The following MYO1G variants were observed in gnomAD, a reference collection of about 807,000 sequenced individuals.
The protein encoded by MYO1G is unconventional myosin-Ig.
In MYO1G, 65 loss-of-function variants were observed where a neutral mutation model predicts 115.3. That is an observed-to-expected ratio of 0.56 (90% CI 0.46 to 0.69). The LOEUF is 0.69. MYO1G is among the 30% of genes least tolerant of loss of function. MYO1G has a pLI of 0.00. For missense variants in MYO1G, 1,204 were observed against 1,393.5 expected (o/e 0.86, Z 2.16); for synonymous variants, 510 against 552.6 (o/e 0.92, Z 1.08).
chr7:44,964,911 C>T lies in MYO1G; in HGVS notation c.2526+34G>A, dbSNP rs1416944115. ...GAGAGCCCTCTTTGGCAGCCCACTT[C>T]CCCCTGGCAGCCCTGGACTCGCCTG... is the stretch of plus-strand genomic sequence containing the variant. On this transcript the variant is annotated intron_variant, in intron 18 of 21. Coordinates refer to ENST00000258787, the MANE Select transcript of MYO1G (RefSeq NM_033054.3). The surrounding 1 kb of genome is among the most constrained non-coding windows in gnomAD (Gnocchi z 5.1). The T allele has an allele frequency of 2.5e-6, 4 of 1,577,758 alleles. No individual in the cohort carries two copies. The highest frequency in any genetic ancestry group is 2.7e-5 in the African/African-American group (2 of 74,072).
rs753768198 is a variant in MYO1G at position 44,964,486 on chromosome 7, C to T, written c.2560G>A (p.Ala854Thr). 1.3e-5 allele frequency: 21 copies of T among 1,614,046 alleles called. No homozygotes were observed. Among genetic ancestry groups the T allele is most frequent in the Non-Finnish European group, 1.8e-5 (21 of 1,179,982 alleles). Residue 854 changes from alanine (A) to threonine (T), a missense_variant, in exon 19 of 22, where the codon GCT (alanine) becomes ACT (threonine). Physicochemically the swap from Ala to Thr is moderately conservative, Grantham distance 58. Transcript: ENST00000258787. This position sits in a 1 kb window ranked among gnomAD's most constrained non-coding sequence, Gnocchi z 5.1. ...TCCTGAAGTGTCTTTAGTCGCTGAG[C>T]AAACAGGCTTGATGCTGTGGGATTG... ...TDNPTASSLFAQRLKTLQDKD... is the reference protein window; with the variant it reads ...TDNPTASSLFTQRLKTLQDKD...
At chr7:44,977,832 G>A (rs1489561239) in intron 1 of MYO1G, among the ~76,000 whole-genome samples, 1 of 152,094 alleles carries the variant, frequency 6.6e-6, no homozygotes, top group Non-Finnish European at 1.5e-5. Context: ...AGCCTGTCCT[G>A]GGTGGGCCTG....
chr7:44,976,635 T>G lies in MYO1G; in HGVS notation c.327A>C (p.Thr109=). The stretch of plus-strand genomic sequence containing the variant: ...ACTGCATGATGTGCTTACTGGCTTC[T>G]GTCTTCCCTGCCCCACTCTCCCCTG... ...VISGESGAGK[T]EASKHIMQYI... is the part of the protein sequence containing the mutation. The change falls in exon 3 of 22, where the codon ACA becomes ACC. Residue 109 remains threonine (T), a synonymous_variant. Coordinates refer to ENST00000258787, the MANE Select transcript of MYO1G (RefSeq NM_033054.3). 1 of 1,614,100 alleles carries G rather than the reference T, an allele frequency of 6.2e-7. No homozygotes were observed. The highest frequency in any genetic ancestry group is 8.5e-7 in the Non-Finnish European group (1 of 1,180,004).
rs759102137 is a variant in MYO1G at position 44,976,952 on chromosome 7, T to G, written c.215A>C (p.Tyr72Ser). ...AGCATAGAGATGGGGTGGCCGCTCA[T>G]AGAGCTCACGGCCCTGGTACCTGGC... ...AIARYQGREL[Y>S]ERPPHLYAVA... Residue 72 changes from tyrosine (Y) to serine (S), a missense_variant, in exon 2 of 22, where the codon TAT becomes TCT. Physicochemically the swap from Tyr to Ser is moderately radical, Grantham distance 144 (BLOSUM62 -2). Transcript: ENST00000258787. The G allele has an allele frequency of 6.2e-7, 1 of 1,613,636 alleles. No individual in the cohort carries two copies. The highest frequency in any genetic ancestry group is 2.2e-5 in the East Asian group (1 of 44,888).
rs376206040 is a variant in MYO1G at position 44,969,589 on chromosome 7, C to A, written c.1504-106G>T. On this transcript the variant is annotated intron_variant, in intron 11 of 21. Transcript: ENST00000258787. This position sits in a 1 kb window ranked among gnomAD's most constrained non-coding sequence, Gnocchi z 5.0. ...AGGGCAGAGAAGGTTGCCACAGTGACGACAATGGCACCAAAGCTGGGTCCC... is the reference window on the plus strand; with the variant it reads ...AGGGCAGAGAAGGTTGCCACAGTGAAGACAATGGCACCAAAGCTGGGTCCC... The A allele has an allele frequency of 5.1e-6, 8 of 1,569,816 alleles. No homozygotes were observed. The highest frequency in any genetic ancestry group is 7.0e-6 in the Non-Finnish European group (8 of 1,143,496).
At position 44,963,812 on chromosome 7, in the gene MYO1G, T is replaced by G; in HGVS notation, c.2745+237A>C. 2 of 524,850 alleles carry G rather than the reference T, an allele frequency of 3.8e-6. No homozygotes were observed. Among genetic ancestry groups the G allele is most frequent in the South Asian group, 2.3e-5 (1 of 42,576 alleles). 32.5% of individuals were successfully genotyped at this position (524,850 alleles called of 1,614,324 possible). A position where few individuals can be genotyped will look rare whatever the true frequency, so the allele number is the denominator to read the frequency against. On this transcript the variant is annotated intron_variant, in intron 20 of 21. Transcript: ENST00000258787. This position sits in a 1 kb window ranked among gnomAD's most constrained non-coding sequence, Gnocchi z 4.1. The stretch of plus-strand genomic sequence containing the variant: ...AGGGGACCATTTGGCTTGGCTAGAG[T>G]GTGAGAGTGGGGGTGGGGGGTGACT...
chr7:44,963,880 C>T lies in MYO1G; in HGVS notation c.2745+169G>A. 6 of 617,296 alleles carry T rather than the reference C, an allele frequency of 9.7e-6. No individual in the cohort carries two copies. The highest frequency in any genetic ancestry group is 5.6e-5 in the South Asian group (3 of 53,214). 38.2% of individuals were successfully genotyped at this position (617,296 alleles called of 1,614,324 possible). On this transcript the variant is annotated intron_variant, in intron 20 of 21. Coordinates refer to ENST00000258787, the MANE Select transcript of MYO1G (RefSeq NM_033054.3). This position sits in a 1 kb window ranked among gnomAD's most constrained non-coding sequence, Gnocchi z 4.1. ...AGGATGGGACCTTTCACTCTGTGGG[C>T]GTGGGAAGCCACTGCAGGATTTTCA...
At chr7:44,965,887 C>G (rs745785537) in intron 16 of MYO1G, 27 bp from the exon 17 acceptor site, 3 of 1,593,198 alleles carry the variant, frequency 1.9e-6, no homozygotes, top group Non-Finnish European at 2.6e-6. Context: ...GGATGGGATA[C>G]GCAGTCAAAT....
chr7:44,978,293 A>G (rs767820153), intron 1 of MYO1G, among the ~76,000 whole-genome samples: 66 of 152,148 alleles, frequency 4.3e-4, no homozygotes, highest in Admixed American at 9.8e-4. Context: ...ATTGGGCTCC[A>G]ATATCACTTC....
chr7:44,966,062 G>T lies in MYO1G; in HGVS notation c.2157+11C>A. 1 of 1,609,146 alleles carries T rather than the reference G, an allele frequency of 6.2e-7. No individual in the cohort carries two copies. On this transcript the variant is annotated intron_variant, in intron 16 of 21. Coordinates refer to ENST00000258787, the MANE Select transcript of MYO1G (RefSeq NM_033054.3). The surrounding 1 kb of genome is among the most constrained non-coding windows in gnomAD (Gnocchi z 5.0). ...TCCATAGTGGATGTCTTCCTGCCCCGCCCACCTCACCTTCTGCAATAGCAG... is the reference window on the plus strand; with the variant it reads ...TCCATAGTGGATGTCTTCCTGCCCCTCCCACCTCACCTTCTGCAATAGCAG...
At chr7:44,975,860 T>C (rs1398794484) in intron 3 of MYO1G, among the ~76,000 whole-genome samples, 1 of 152,218 alleles carries the variant, frequency 6.6e-6, no homozygotes, top group Non-Finnish European at 1.5e-5. Context: ...GGAAATGCAC[T>C]TGCCGGGCTG....
rs1449516449 is a variant in MYO1G at position 44,970,740 on chromosome 7, G to C, written c.1072-3C>G. 5.6e-6 allele frequency: 9 copies of C among 1,613,774 alleles called. No homozygotes were observed. On this transcript the variant is annotated splice_polypyrimidine_tract_variant and splice_region_variant and intron_variant, in intron 8 of 21. Transcript: ENST00000258787. The stretch of plus-strand genomic sequence containing the variant: ...TCAAACAGCCGCTGGTACACTGCCT[G>C]GGGGATAGGAACACCCTGCTTCCTG...
chr7:44,976,732 C>T, intron 2 of MYO1G, 75 bp from the exon 3 acceptor site: 1 of 1,593,488 alleles, frequency 6.3e-7, no homozygotes, highest in Non-Finnish European at 8.6e-7. Context: ...CCACTCACAC[C>T]CCCAAGACTG....
In MYO1G at chr7:44,969,334, C is replaced by G; in HGVS notation, c.1574+79G>C. On this transcript the variant is annotated intron_variant, in intron 12 of 21. Transcript: ENST00000258787. This position sits in a 1 kb window ranked among gnomAD's most constrained non-coding sequence, Gnocchi z 5.0. ...ATAACACCTGTCTCCGAGCCACTCCCCTGAAGCGCTCCTGCCCCATGACAC... is the reference window on the plus strand; with the variant it reads ...ATAACACCTGTCTCCGAGCCACTCCGCTGAAGCGCTCCTGCCCCATGACAC... 2 of 1,480,630 alleles carry G rather than the reference C, an allele frequency of 1.4e-6. No homozygotes were observed. The highest frequency in any genetic ancestry group is 1.9e-6 in the Non-Finnish European group (2 of 1,059,650). 91.7% of individuals were successfully genotyped at this position (1,480,630 alleles called of 1,614,324 possible).
rs773363436 is a variant in MYO1G, at chr7:44,966,802, C to T, written c.1819G>A (p.Asp607Asn). ...TCATCCAGCTTCCCAGCTACCTTGT[C>T]CTCATTGGGCTTGATGCAGCGGACG... Reference protein sequence around the residue: ...FYVRCIKPNEDKVAGKLDENH... With the variant: ...FYVRCIKPNENKVAGKLDENH... The change falls in exon 15 of 22, where the codon GAC (aspartate) becomes AAC (asparagine). Residue 607 changes from aspartate (D) to asparagine (N), a missense_variant. Asp to Asn is a conservative substitution (Grantham distance 23). Coordinates refer to ENST00000258787, the MANE Select transcript of MYO1G (RefSeq NM_033054.3). The surrounding 1 kb of genome is among the most constrained non-coding windows in gnomAD (Gnocchi z 5.0). 1.2e-6 allele frequency: 2 copies of T among 1,613,176 alleles called. No individual in the cohort carries two copies. Among genetic ancestry groups the T allele is most frequent in the East Asian group, 2.2e-5 (1 of 44,852 alleles).
Position 44,966,107 on chromosome 7 carries a change from C to G in MYO1G, c.2123G>C (p.Arg708Pro). Residue 708 changes from arginine (R) to proline (P), a missense_variant, in exon 16 of 22, where the codon CGC becomes CCC. Transcript: ENST00000258787. This position sits in a 1 kb window ranked among gnomAD's most constrained non-coding sequence, Gnocchi z 5.0. ...TLVTLEQSRA[R>P]LIPIIVLLLQ... is the part of the protein sequence containing the mutation. ...TAGCAGCACAATGATGGGGATGAGG[C>G]GGGCTCGGCTCTGCTCCAGTGTGAC... 1 of 1,612,866 alleles carries G rather than the reference C, an allele frequency of 6.2e-7. No individual in the cohort carries two copies. Among genetic ancestry groups the G allele is most frequent in the South Asian group, 1.1e-5 (1 of 91,068 alleles).
At position 44,966,759 on chromosome 7, in the gene MYO1G, T is replaced by A. The variant is rs377158095; in HGVS notation, c.1862A>T (p.Gln621Leu). ...GKLDENHCRH[Q>L]VAYLGLLENV... ...CTCCAGCAGCCCCAGGTATGCGACC[T>A]GGTGGCGACAGTGGTTCTCATCCAG... The change falls in exon 15 of 22, where the codon CAG becomes CTG. Residue 621 changes from glutamine (Q) to leucine (L), a missense_variant. Transcript: ENST00000258787. The surrounding 1 kb of genome is among the most constrained non-coding windows in gnomAD (Gnocchi z 5.0). 2.5e-6 allele frequency: 4 copies of A among 1,613,472 alleles called. No homozygotes were observed. The highest frequency in any genetic ancestry group is 3.4e-6 in the Non-Finnish European group (4 of 1,180,006).
In MYO1G at chr7:44,967,959, C is replaced by CT. The variant is rs1285000039; in HGVS notation, c.1575-2dup. ...GTCGATGAAGCCTTCCACGGAGTACCTACCAGAAGCCAGGGCTGGTGAGGG... is the reference window on the plus strand; with the variant it reads ...GTCGATGAAGCCTTCCACGGAGTACCTTACCAGAAGCCAGGGCTGGTGAGGG... On this transcript the variant is annotated splice_acceptor_variant, in intron 12 of 21. Coordinates refer to ENST00000258787, the MANE Select transcript of MYO1G (RefSeq NM_033054.3). LOFTEE classifies it high-confidence loss of function. The CT allele has an allele frequency of 6.2e-7, 1 of 1,613,794 alleles. No individual in the cohort carries two copies. The highest frequency in any genetic ancestry group is 2.2e-5 in the East Asian group (1 of 44,878).
intron 4 of MYO1G, 107 bp from the exon 5 acceptor site, chr7:44,975,334 G>A: frequency 6.7e-7 from 1 of 1,495,852 alleles, no homozygotes; most frequent in Non-Finnish European, 9.3e-7. Context: ...AGAGAGTCCT[G>A]ACTATGAGGA....
Sources: allele counts gnomAD v4.1 joint callset (sites outside exome capture counted in the v4.1 genomes callset), GRCh38; gene constraint gnomAD v4.1.1; non-coding constraint Gnocchi (gnomAD v3.1); transcripts MANE v1.5; gene names NCBI Gene and HGNC (gene_info 2026-07-23, HGNC 2026-07-21).